HDAC7: variants seen among roughly 807,000 people sequenced by gnomAD.
HDAC7 encodes the protein histone deacetylase 7.
In HDAC7, 26 loss-of-function variants were observed where a neutral mutation model predicts 115.5. The ratio of observed to expected loss-of-function variants is 0.23; its 90% CI spans 0.16 to 0.31. The LOEUF is 0.31. Ranked by LOEUF, HDAC7 falls within the 10% of genes least tolerant of loss-of-function variation. The probability of loss-of-function intolerance (pLI) is 1.00; values close to 1 mark genes in which losing one functional copy is unlikely to be tolerated. For missense variants in HDAC7, 1,068 were observed against 1,329.0 expected (o/e 0.80, Z 3.05); for synonymous variants, 564 against 550.9 (o/e 1.02, Z -0.33).
intron 24 of HDAC7, 193 bp downstream of exon 24, chr12:47,785,194 G>A (rs3815135): frequency 1.7e-6 from 1 of 585,814 alleles, no homozygotes; most frequent in Non-Finnish European, 3.0e-6. Flanking sequence ...GCTCCATCGG[G>A]GGGGCTCAGA....
intron 2 of HDAC7, among the ~76,000 whole-genome samples, chr12:47,801,038 TC>T (rs1317748609): frequency 1.3e-5 from 2 of 152,180 alleles, no homozygotes; most frequent in Admixed American, 1.3e-4. Context: ...GCTCACAATG[TC>T]CCCCTGCCTG....
rs1292723229 is a variant in HDAC7, at chr12:47,795,035, C to A, written c.1285-102G>T. The stretch of plus-strand genomic sequence containing the variant: ...GCAGCCAGTCATCTTGCTAGGACTC[C>A]AGCTGCCATGCAGCTCTGGGCCCCA... On this transcript the variant is annotated intron_variant, in intron 11 of 25. Coordinates refer to ENST00000080059, the MANE Select transcript of HDAC7 (RefSeq NM_015401.5). The surrounding 1 kb of genome is among the most constrained non-coding windows in gnomAD (Gnocchi z 4.3). 1 of 1,363,032 alleles carries A rather than the reference C, an allele frequency of 7.3e-7. No individual in the cohort carries two copies. The highest frequency in any genetic ancestry group is 1.0e-6 in the Non-Finnish European group (1 of 983,118). The allele number at this position is 1,363,032 out of a possible 1,614,324, so 84.4% of individuals were successfully genotyped here.
Position 47,797,612 on chromosome 12 carries a change from A to C in HDAC7, c.462-113T>G. ...AGGCTGCAGCGGGCAGGGCTGGGCAATGTGGGGCTGGTAGGAATGGGGACC... is the reference window on the plus strand; with the variant it reads ...AGGCTGCAGCGGGCAGGGCTGGGCACTGTGGGGCTGGTAGGAATGGGGACC... On this transcript the variant is annotated intron_variant, in intron 5 of 25. Coordinates refer to ENST00000080059, the MANE Select transcript of HDAC7 (RefSeq NM_015401.5). This position sits in a 1 kb window ranked among gnomAD's most constrained non-coding sequence, Gnocchi z 5.5. 1 of 731,314 alleles carries C rather than the reference A, an allele frequency of 1.4e-6. No individual in the cohort carries two copies. Among genetic ancestry groups the C allele is most frequent in the South Asian group, 1.8e-5 (1 of 55,500 alleles). 45.3% of individuals were successfully genotyped at this position (731,314 alleles called of 1,614,324 possible). A position where few individuals can be genotyped will look rare whatever the true frequency, so the allele number is the denominator to read the frequency against.
intron 16 of HDAC7, 94 bp downstream of exon 16, chr12:47,791,165 G>T: frequency 8.2e-7 from 1 of 1,218,252 alleles, no homozygotes; most frequent in Non-Finnish European, 1.2e-6. Context: ...ACCACAACAA[G>T]CAGAGGTTCT....
intron 17 of HDAC7, 75 bp downstream of exon 17, chr12:47,789,738 C>T: frequency 2.2e-6 from 3 of 1,391,120 alleles, no homozygotes; most frequent in Non-Finnish European, 3.1e-6. Flanking sequence ...GCCTGGGGTT[C>T]TGGGCCTGGA....
intron 1 of HDAC7, among the ~76,000 whole-genome samples, chr12:47,808,841 GATTTCT>G (rs1944522553): frequency 6.6e-6 from 1 of 152,258 alleles, no homozygotes; most frequent in East Asian, 1.9e-4. Flanking sequence ...ACTACCCTAA[GATTTCT>G]CAGTTCCAAA....
rs141489777 is a variant in HDAC7, at chr12:47,794,919, C to T, written c.1299G>A (p.Pro433=). Residue 433 remains proline (P), a synonymous_variant, in exon 12 of 26, where the codon CCG becomes CCA. Coordinates refer to ENST00000080059, the MANE Select transcript of HDAC7 (RefSeq NM_015401.5). ...TCTGCCGCAGCCGGGGCTTCTCACT[C>T]GGCTTGGCTGACCTCTGGGGAGGGG... ...HVQVIKRSAK[P]SEKPRLRQIP... The T allele has an allele frequency of 3.7e-5, 60 of 1,611,890 alleles. No individual in the cohort carries two copies. The highest frequency in any genetic ancestry group is 8.4e-5 in the Admixed American group (5 of 59,874).
Position 47,797,613 on chromosome 12 carries a change from T to A in HDAC7, c.462-114A>T. On this transcript the variant is annotated intron_variant, in intron 5 of 25. Transcript: ENST00000080059. The surrounding 1 kb of genome is among the most constrained non-coding windows in gnomAD (Gnocchi z 5.5). ...GGCTGCAGCGGGCAGGGCTGGGCAA[T>A]GTGGGGCTGGTAGGAATGGGGACCA... 1.4e-6 allele frequency: 1 copy of A among 726,210 alleles called. No homozygotes were observed. The highest frequency in any genetic ancestry group is 2.3e-6 in the Non-Finnish European group (1 of 441,360). 45.0% of individuals were successfully genotyped at this position (726,210 alleles called of 1,614,324 possible). A position where few individuals can be genotyped will look rare whatever the true frequency, so the allele number is the denominator to read the frequency against.
intron 1 of HDAC7, among the ~76,000 whole-genome samples, chr12:47,808,632 G>A (rs1223625522): frequency 6.6e-6 from 1 of 152,152 alleles, no homozygotes; most frequent in Non-Finnish European, 1.5e-5. Flanking sequence ...TCCAACTCCC[G>A]GGACCTCTCG....
chr12:47,795,597 C>A lies in HDAC7; in HGVS notation c.1077G>T (p.Pro359=), dbSNP rs531759281. Reference sequence around the variant, plus strand: ...AAGCAGCAGACTCACCAGTCAGCAGCGGGGCATGAGAGCCTGAGGGGTCCA... The same window carrying A: ...AAGCAGCAGACTCACCAGTCAGCAGAGGGGCATGAGAGCCTGAGGGGTCCA... The part of the protein sequence containing the change: ...LLLDPSGSHA[P]LLTVPGLGPL... Residue 359 remains proline (P), a synonymous_variant, in exon 10 of 26, where the codon CCG becomes CCT. Transcript: ENST00000080059. This position sits in a 1 kb window ranked among gnomAD's most constrained non-coding sequence, Gnocchi z 4.3. 3 of 1,560,602 alleles carry A rather than the reference C, an allele frequency of 1.9e-6. No homozygotes were observed. The highest frequency in any genetic ancestry group is 1.7e-6 in the Non-Finnish European group (2 of 1,152,666).
At chr12:47,790,984 TG>T (rs1334846723) in intron 16 of HDAC7, 38 of 554,274 alleles carry the variant, frequency 6.9e-5, no homozygotes, top group African/African-American at 6.0e-4. Flanking sequence ...GCCCCAGCCT[TG>T]GCCCTGCTCC....
chr12:47,809,291 C>T (rs982673923), intron 1 of HDAC7, among the ~76,000 whole-genome samples: 1 of 152,314 alleles, frequency 6.6e-6, no homozygotes, highest in Non-Finnish European at 1.5e-5. Context: ...GTGTACCCTA[C>T]TCCTGCTTTG....
At chr12:47,786,822 C>A (rs1943195041) in intron 21 of HDAC7, 119 bp from the exon 22 acceptor site, 1 of 724,856 alleles carries the variant, frequency 1.4e-6, no homozygotes, top group South Asian at 1.8e-5. Context: ...TGCCCCAGCA[C>A]AACTGGCAGA....
intron 21 of HDAC7, 26 bp from the exon 22 acceptor site, chr12:47,786,729 C>G: frequency 6.3e-7 from 1 of 1,585,620 alleles, no homozygotes; most frequent in Non-Finnish European, 8.7e-7. Context: ...AAGTGGCGAT[C>G]ATCGTACTGT....
At chr12:47,799,156 C>A in intron 2 of HDAC7, 184 bp from the exon 3 acceptor site, 1 of 552,962 alleles carries the variant, frequency 1.8e-6, no homozygotes, top group Middle Eastern at 4.7e-4. Flanking sequence ...CCATTTTACT[C>A]GTGAGAAAAA....
At position 47,802,674 on chromosome 12, in the gene HDAC7, G is replaced by C. The variant is rs377147973; in HGVS notation, c.20-400C>G. 6.1e-4 allele frequency among the ~76,000 whole-genome samples: 93 copies of C among 152,300 alleles called. 1 individual carries two copies. Among genetic ancestry groups the C allele is most frequent in the African/African-American group, 2.2e-3 (91 of 41,580 alleles). On this transcript the variant is annotated intron_variant, in intron 1 of 25. Transcript: ENST00000080059. The stretch of plus-strand genomic sequence containing the variant: ...AAGGCCAAGAGGTGAGGTGGGGCCA[G>C]AGGTGGGAGAGCCTGGCTGGGGGGA...
At position 47,786,576 on chromosome 12, in the gene HDAC7, C is replaced by T; in HGVS notation, c.2572+9G>A. 1 of 1,595,266 alleles carries T rather than the reference C, an allele frequency of 6.3e-7. No individual in the cohort carries two copies. The highest frequency in any genetic ancestry group is 8.6e-7 in the Non-Finnish European group (1 of 1,163,086). The stretch of plus-strand genomic sequence containing the variant: ...TCCCTAACGTCCCCCTCAGCTGAGG[C>T]TCCCTTACATTTGGCAGAAACATGG... On this transcript the variant is annotated intron_variant, in intron 22 of 25. Transcript: ENST00000080059.
Position 47,792,013 on chromosome 12 carries a change from G to A in HDAC7, c.1679-9C>T. 1 of 1,600,214 alleles carries A rather than the reference G, an allele frequency of 6.2e-7. No individual in the cohort carries two copies. Among genetic ancestry groups the A allele is most frequent in the Non-Finnish European group, 8.5e-7 (1 of 1,170,786 alleles). ...CGAGTCATAGATCAGCCCTGCAGGA[G>A]CAAGGGTCAGAGCGGGGACCCAGGG... On this transcript the variant is annotated splice_polypyrimidine_tract_variant and intron_variant, in intron 13 of 25. Transcript: ENST00000080059.
Position 47,796,002 on chromosome 12 carries a change from C to T in HDAC7, c.810G>A (p.Gln270=), listed in dbSNP as rs1270009215. ...CAGAAGTCTCCTGCAGCCGCAGCCGCTGGCCCAAGAGCGCCTGCCATAGGG... is the reference window on the plus strand; with the variant it reads ...CAGAAGTCTCCTGCAGCCGCAGCCGTTGGCCCAAGAGCGCCTGCCATAGGG... ...PILGSEALLG[Q]RLRLQETSVA... The change falls in exon 9 of 26, where the codon CAG becomes CAA. Residue 270 remains glutamine, a synonymous_variant. Coordinates refer to ENST00000080059, the MANE Select transcript of HDAC7 (RefSeq NM_015401.5). 1 of 1,549,740 alleles carries T rather than the reference C, an allele frequency of 6.5e-7. No individual in the cohort carries two copies. The highest frequency in any genetic ancestry group is 2.0e-5 in the Admixed American group (1 of 50,994).
Sources: allele counts gnomAD v4.1 joint callset (sites outside exome capture counted in the v4.1 genomes callset), GRCh38; gene constraint gnomAD v4.1.1; non-coding constraint Gnocchi (gnomAD v3.1); transcripts MANE v1.5; gene names NCBI Gene and HGNC (gene_info 2026-07-23, HGNC 2026-07-21).